The following OSMR variants were observed in gnomAD, a reference collection of about 807,000 sequenced individuals.
OSMR encodes oncostatin-M-specific receptor subunit beta.
OSMR carries 81 observed loss-of-function variants against 99.9 expected under a neutral mutation model. The ratio of observed to expected loss-of-function variants is 0.81; its 90% confidence interval spans 0.68 to 0.97. The LOEUF is 0.97. Ranked by LOEUF, OSMR falls within the 50% of genes least tolerant of loss-of-function variation. OSMR has a pLI of 0.00. For missense variants in OSMR, 1,099 were observed against 1,153.4 expected, an observed-to-expected ratio of 0.95 and a Z score of 0.68; for synonymous variants, 406 against 410.4, an observed-to-expected ratio of 0.99 and a Z score of 0.13.
chr5:38,878,353 T>TG (rs1743000562), intron 3 of OSMR, among the ~76,000 whole-genome samples: 1 of 151,996 alleles, frequency 6.6e-6, no homozygotes, highest in Non-Finnish European at 1.5e-5. Context: ...TGCTGGGGGC[T>TG]GGGGGGAAGC....
chr5:38,935,970 C>T (rs972538555), downstream of OSMR, among the ~76,000 whole-genome samples: 3 of 152,144 alleles, frequency 2.0e-5, no homozygotes, highest in Non-Finnish European at 2.9e-5. Context: ...GTAAACATTT[C>T]GTCTCCAATG....
intron 2 of OSMR, among the ~76,000 whole-genome samples, chr5:38,872,633 A>G (rs552446627): frequency 6.7e-6 from 1 of 148,884 alleles, no homozygotes; most frequent in African/African-American, 2.4e-5. Context: ...TGATTTTCAA[A>G]CTAATACATG....
intron 15 of OSMR, among the ~76,000 whole-genome samples, chr5:38,926,612 C>CTACTATCATGAGAACAGCATGGGGGG (rs1746487649): frequency 6.6e-6 from 1 of 152,156 alleles, no homozygotes; most frequent in Non-Finnish European, 1.5e-5. Flanking sequence ...TAACTGCCAC[C>CTACTATCATGAGAACAGCATGGGGGG]ATGATTCAAT....
At chr5:38,886,344 C>G in intron 7 of OSMR, 154 bp downstream of exon 7, 1 of 1,470,296 alleles carries the variant, frequency 6.8e-7, no homozygotes, top group Non-Finnish European at 9.0e-7. Flanking sequence ...CGTTTCTCCT[C>G]ATGGATGCAC....
At chr5:38,924,138 A>G (rs1746361428) in intron 13 of OSMR, 2 of 160,784 alleles carry the variant, frequency 1.2e-5, no homozygotes, top group Non-Finnish European at 2.6e-5. Flanking sequence ...AGTTTGTTTT[A>G]TTTTTATTTT....
chr5:38,854,280 A>G (rs1249774677), intron 1 of OSMR, among the ~76,000 whole-genome samples: 3 of 152,174 alleles, frequency 2.0e-5, no homozygotes, highest in Non-Finnish European at 4.4e-5. Context: ...GACTCTTATC[A>G]CGCTGCTTCT....
chr5:38,862,425 C>A (rs1317661953), intron 1 of OSMR, among the ~76,000 whole-genome samples: 2 of 148,996 alleles, frequency 1.3e-5, no homozygotes, highest in African/African-American at 5.0e-5. Context: ...GGGGCTGACC[C>A]CCCCACCTCC....
At chr5:38,870,130 A>T (rs866199953) in intron 2 of OSMR, among the ~76,000 whole-genome samples, 4 of 152,146 alleles carry the variant, frequency 2.6e-5, no homozygotes, top group African/African-American at 9.6e-5. Context: ...GGCACATGGG[A>T]AGACACTACT....
intron 7 of OSMR, among the ~76,000 whole-genome samples, chr5:38,900,571 C>T (rs1024845670): frequency 6.6e-6 from 1 of 152,098 alleles, no homozygotes; most frequent in Non-Finnish European, 1.5e-5. Context: ...GATATATATT[C>T]AGGAGTAGAC....
At position 38,888,016 on chromosome 5, in the gene OSMR, A is replaced by C. The variant is rs1443607269; in HGVS notation, c.991+1826A>C. Among the ~76,000 whole-genome samples, 7 of 152,242 alleles carry C rather than the reference A, an allele frequency of 4.6e-5. No individual in the cohort carries two copies. In the East Asian group the frequency reaches 1.2e-3, roughly 25 times the overall value. Reference sequence around the variant, plus strand: ...CGTGGAGTGGTTTTAAGGAGTGAAAAGTTTAGTAGGCAAGAAAGAAGGAAG... The same window carrying C: ...CGTGGAGTGGTTTTAAGGAGTGAAACGTTTAGTAGGCAAGAAAGAAGGAAG... On this transcript the variant is annotated intron_variant, in intron 7 of 17. Transcript: ENST00000274276.
rs139829907 is a variant in OSMR, at chr5:38,920,992, A to G, written c.1586-623A>G. Among the ~76,000 whole-genome samples the G allele has an allele frequency of 6.6e-3, 1,006 of 152,296 alleles. 7 individuals carry two copies. Among genetic ancestry groups the G allele is most frequent in the Non-Finnish European group, 8.7e-3 (590 of 68,022 alleles). ...AATATTTTCTTCTTTTTTGTCTTCTACTCAATTCCTACCTGTAACACATCT... is the reference window on the plus strand; with the variant it reads ...AATATTTTCTTCTTTTTTGTCTTCTGCTCAATTCCTACCTGTAACACATCT... On this transcript the variant is annotated intron_variant, in intron 11 of 17. Coordinates refer to ENST00000274276, the MANE Select transcript of OSMR (RefSeq NM_003999.3).
At chr5:38,916,912 A>C (rs547039929) in intron 9 of OSMR, among the ~76,000 whole-genome samples, 1 of 152,274 alleles carries the variant, frequency 6.6e-6, no homozygotes, top group South Asian at 2.1e-4. Context: ...ATTGACAGAG[A>C]GACAAGGAAG....
At chr5:38,901,430 A>G (rs1169229413) in intron 7 of OSMR, among the ~76,000 whole-genome samples, 2 of 152,202 alleles carry the variant, frequency 1.3e-5, no homozygotes, top group Non-Finnish European at 2.9e-5. Context: ...TCATTTAATA[A>G]TCGAGCTCTG....
chr5:38,875,157 A>G (rs1246976225), intron 2 of OSMR, among the ~76,000 whole-genome samples: 3 of 152,264 alleles, frequency 2.0e-5, no homozygotes, highest in Admixed American at 2.0e-4. Flanking sequence ...GAGTCATCAG[A>G]TAGCAGCTGA....
intron 12 of OSMR, among the ~76,000 whole-genome samples, chr5:38,922,572 T>C (rs1414173086): frequency 6.6e-6 from 1 of 152,152 alleles, no homozygotes; most frequent in East Asian, 1.9e-4. Flanking sequence ...TGCACATGGA[T>C]ACAGGCATAG....
chr5:38,910,780 G>A (rs757194573), intron 9 of OSMR, among the ~76,000 whole-genome samples: 46 of 152,184 alleles, frequency 3.0e-4, no homozygotes, highest in Non-Finnish European at 4.0e-4. Flanking sequence ...GGAGGCCAAC[G>A]TGGGCAGATC....
intron 2 of OSMR, chr5:38,944,439 T>C: frequency 6.3e-7 from 1 of 1,595,994 alleles, no homozygotes; most frequent in Non-Finnish European, 8.5e-7. Context: ...GCACATAGTT[T>C]ACTCACGTTA....
intron 13 of OSMR, among the ~76,000 whole-genome samples, chr5:38,923,826 C>T (rs1285164586): frequency 6.6e-6 from 1 of 152,162 alleles, no homozygotes; most frequent in Non-Finnish European, 1.5e-5. Context: ...TGGCTCAGAG[C>T]AGGCAGGAGG....
rs1271771901 is a variant in OSMR, at chr5:38,921,632, A to C, written c.1603A>C (p.Arg535=). Residue 535 remains arginine, a synonymous_variant, in exon 12 of 18, where the codon AGA becomes CGA. Transcript: ENST00000274276. ...DPENKEVEEE[R]IAGTEGGFSL... ...ATATACAGAAGAGGTTGAGGAAGAA[A>C]GAATTGCAGGCACAGAGGGTGGATT... 6.2e-7 allele frequency: 1 copy of C among 1,614,092 alleles called. No homozygotes were observed. Among genetic ancestry groups the C allele is most frequent in the Non-Finnish European group, 8.5e-7 (1 of 1,180,038 alleles).
Sources: allele counts gnomAD v4.1 joint callset (sites outside exome capture counted in the v4.1 genomes callset), GRCh38; gene constraint gnomAD v4.1.1; transcripts MANE v1.5; gene names NCBI Gene and HGNC (gene_info 2026-07-23, HGNC 2026-07-21).